Variants in ARID4A observed in about 807,000 individuals in gnomAD.
ARID4A encodes the protein AT-rich interaction domain 4A.
In ARID4A, 39 loss-of-function variants were observed where a neutral mutation model predicts 148.6. The observed-to-expected ratio is 0.26, with a 90% CI of 0.20 to 0.34. ARID4A has a LOEUF of 0.34. ARID4A is among the 10% of genes least tolerant of loss of function. The pLI, the probability that ARID4A is intolerant of heterozygous loss-of-function variation, is 1.00. For missense variants in ARID4A, 1,265 were observed against 1,449.1 expected (o/e 0.87, Z 2.06); for synonymous variants, 475 against 481.2 (o/e 0.99, Z 0.17).
intron 11 of ARID4A, among the ~76,000 whole-genome samples, chr14:58,336,046 A>G (rs1018897166): frequency 6.6e-6 from 1 of 151,762 alleles, no homozygotes; most frequent in African/African-American, 2.4e-5. Context: ...GAAAATATAT[A>G]TGTGATTCCT....
At chr14:58,319,521 CTTTTTTTTTTTTTTTTTTTT>C (rs71107934) in intron 7 of ARID4A, among the ~76,000 whole-genome samples, 19 of 62,044 alleles carry the variant, frequency 3.1e-4, no homozygotes, top group Non-Finnish European at 5.3e-4. Flanking sequence ...TCTATATACT[CTTTTTTTTTTTTTTTTTTTT>C]TTTTTTTTTT....
chr14:58,312,206 A>G (rs931747185), intron 5 of ARID4A, among the ~76,000 whole-genome samples: 1 of 151,580 alleles, frequency 6.6e-6, no homozygotes, highest in African/African-American at 2.4e-5. Context: ...AATACATACT[A>G]TTAATGTTAA....
At chr14:58,351,888 C>A (rs2034655675) in intron 16 of ARID4A, among the ~76,000 whole-genome samples, 1 of 152,066 alleles carries the variant, frequency 6.6e-6, no homozygotes, top group Non-Finnish European at 1.5e-5. Flanking sequence ...TTGAGTAAAA[C>A]TGTATTTTTT....
intron 17 of ARID4A, among the ~76,000 whole-genome samples, chr14:58,357,540 C>T (rs573995230): frequency 9.2e-5 from 14 of 152,044 alleles, no homozygotes; most frequent in Middle Eastern, 3.4e-3. Flanking sequence ...TGCAGCCCAG[C>T]ATGGCCTGGA....
chr14:58,339,692 A>C (rs2034010760), intron 11 of ARID4A, among the ~76,000 whole-genome samples: 1 of 152,138 alleles, frequency 6.6e-6, no homozygotes, highest in African/African-American at 2.4e-5. Context: ...CGTTGTCATA[A>C]AGAACTTTGT....
intron 11 of ARID4A, among the ~76,000 whole-genome samples, chr14:58,335,445 CTG>C (rs2033764476): frequency 6.6e-6 from 1 of 151,678 alleles, no homozygotes; most frequent in Non-Finnish European, 1.5e-5. Flanking sequence ...TCCCAAGTAA[CTG>C]AGATTACAGG....
intron 19 of ARID4A, among the ~76,000 whole-genome samples, 169 bp from the exon 20 acceptor site, chr14:58,363,999 CAA>C (rs992490534): frequency 6.6e-6 from 1 of 152,108 alleles, no homozygotes; most frequent in African/African-American, 2.4e-5. Flanking sequence ...CCCTCCCCCT[CAA>C]ATTCTTGGCA....
chr14:58,320,224 G>C (rs1229612579), intron 7 of ARID4A, among the ~76,000 whole-genome samples: 1 of 151,806 alleles, frequency 6.6e-6, no homozygotes, highest in Non-Finnish European at 1.5e-5. Context: ...GGGATTACAG[G>C]CGTGAGCCAC....
In ARID4A at chr14:58,362,015, C is replaced by T. The variant is rs372062761; in HGVS notation, c.2080+973C>T. 2.6e-5 allele frequency among the ~76,000 whole-genome samples: 4 copies of T among 152,208 alleles called. 1 individual carries two copies. ...GTTTTCATTTAGGAATACTTTTTCT[C>T]ATAAGTATCTTGAAAATAATATATT... On this transcript the variant is annotated intron_variant, in intron 19 of 23. Transcript: ENST00000355431.
intron 5 of ARID4A, 53 bp downstream of exon 5, chr14:58,306,165 G>A: frequency 8.1e-7 from 1 of 1,235,684 alleles, no homozygotes; most frequent in Non-Finnish European, 1.2e-6. Context: ...GCATGTATCT[G>A]TGTTTTGTGG....
chr14:58,365,933 G>C lies in ARID4A; in HGVS notation c.3317-91G>C, dbSNP rs1194960786. 2.7e-6 allele frequency: 3 copies of C among 1,120,522 alleles called. No homozygotes were observed. In the Admixed American group the frequency reaches 7.0e-5, roughly 26 times the overall value. The allele number at this position is 1,120,522 out of a possible 1,614,324, so 69.4% of individuals were successfully genotyped here. A position where few individuals can be genotyped will look rare whatever the true frequency, so the allele number is the denominator to read the frequency against. On this transcript the variant is annotated intron_variant, in intron 21 of 23. Transcript: ENST00000355431. ...TGCATTTGTGCACTTATTTCTGTAG[G>C]ATACCAAGAAATGTAATTGTTAGGT...
intron 7 of ARID4A, among the ~76,000 whole-genome samples, chr14:58,320,393 A>G (rs2032791576): frequency 1.3e-5 from 2 of 152,140 alleles, no homozygotes; most frequent in South Asian, 2.1e-4. Flanking sequence ...AAATTTAGAA[A>G]ATTTAACGCT....
intron 5 of ARID4A, among the ~76,000 whole-genome samples, chr14:58,311,440 A>G (rs1419653671): frequency 6.6e-6 from 1 of 152,210 alleles, no homozygotes; most frequent in African/African-American, 2.4e-5. Flanking sequence ...AAAGGTTACA[A>G]GCACTGGCAA....
intron 11 of ARID4A, among the ~76,000 whole-genome samples, chr14:58,336,399 A>T (rs951807606): frequency 2.0e-5 from 3 of 152,188 alleles, no homozygotes; most frequent in Non-Finnish European, 4.4e-5. Flanking sequence ...GCTTATTGAT[A>T]ACCTATGTAG....
At chr14:58,314,588 G>C (rs148534120) in intron 5 of ARID4A, among the ~76,000 whole-genome samples, 205 of 152,058 alleles carry the variant, frequency 1.3e-3, no homozygotes, top group African/African-American at 4.9e-3. Context: ...ACCATACCCA[G>C]CTAATTTTTA....
intron 7 of ARID4A, among the ~76,000 whole-genome samples, 198 bp from the exon 8 acceptor site, chr14:58,323,287 G>C (rs1020121303): frequency 6.6e-6 from 1 of 152,086 alleles, no homozygotes; most frequent in African/African-American, 2.4e-5. Flanking sequence ...TGGACTCAGA[G>C]TTACCATAGA....
chr14:58,346,843 A>G (rs1394667425), intron 13 of ARID4A, among the ~76,000 whole-genome samples, 177 bp from the exon 14 acceptor site: 1 of 140,000 alleles, frequency 7.1e-6, no homozygotes, highest in African/African-American at 2.7e-5. Flanking sequence ...TGGGAGGATC[A>G]CTTGAGCCCA....
chr14:58,337,099 C>T, intron 11 of ARID4A, among the ~76,000 whole-genome samples: 1 of 150,584 alleles, frequency 6.6e-6, no homozygotes. Context: ...ACCATGTTGG[C>T]CAGGCTGGTC....
chr14:58,353,463 T>C (rs2034728104), intron 16 of ARID4A, 195 bp from the exon 17 acceptor site: 2 of 528,284 alleles, frequency 3.8e-6, no homozygotes, highest in East Asian at 3.0e-5. Flanking sequence ...TTGGGTACAG[T>C]GCACCTTTAC....
Sources: gnomAD v4.1 joint callset for allele counts (sites outside exome capture counted in the v4.1 genomes callset) on GRCh38, gnomAD v4.1.1 for gene constraint, MANE v1.5 for transcripts, NCBI Gene and HGNC (gene_info 2026-07-23, HGNC 2026-07-21) for gene names.